The following GBE1 variants were observed in gnomAD, a reference collection of about 807,000 sequenced individuals.
The protein encoded by GBE1 is 1,4-alpha-glucan-branching enzyme.
In GBE1, 70 loss-of-function variants were observed where a neutral mutation model predicts 88.8. The observed-to-expected ratio is 0.79, with a 90% confidence interval of 0.65 to 0.96. The LOEUF is 0.96. GBE1 is among the 40% of genes least tolerant of loss of function. The probability of loss-of-function intolerance (pLI) is 0.00; values close to 1 mark genes in which losing one functional copy is unlikely to be tolerated. For synonymous variants in GBE1, 284 were observed against 300.1 expected (o/e 0.95, Z 0.56); for missense variants, 872 against 871.0 (o/e 1.00, Z -0.01).
At chr3:81,536,289 G>T (rs934268362) in intron 13 of GBE1, among the ~76,000 whole-genome samples, 1 of 151,630 alleles carries the variant, frequency 6.6e-6, no homozygotes, top group Admixed American at 6.6e-5. Context: ...TAAAGTAAAT[G>T]GATTATAACG....
intron 2 of GBE1, among the ~76,000 whole-genome samples, chr3:81,691,843 T>C (rs1705526103): frequency 6.6e-6 from 1 of 152,116 alleles, no homozygotes; most frequent in Admixed American, 6.5e-5. Context: ...GTAATATTAT[T>C]ATTCATCTGG....
Position 81,541,263 on chromosome 3 carries a change from C to A in GBE1, c.1619-4168G>T, listed in dbSNP as rs556784824. Among the ~76,000 whole-genome samples the A allele has an allele frequency of 5.9e-5, 9 of 151,786 alleles. No individual in the cohort carries two copies. The South Asian group carries it at 1.7e-3, about 28-fold the overall frequency. ...CACAATCTGATTAAAAGCTAAGTAA[C>A]TGCTCCCCAGGAAAACACATACACA... On this transcript the variant is annotated intron_variant, in intron 12 of 15. Transcript: ENST00000429644.
chr3:81,672,643 G>A (rs1490943141), intron 2 of GBE1, among the ~76,000 whole-genome samples: 1 of 151,920 alleles, frequency 6.6e-6, no homozygotes, highest in Non-Finnish European at 1.5e-5. Flanking sequence ...CCTGTGGGTA[G>A]AAGAAAGGGA....
intron 7 of GBE1, among the ~76,000 whole-genome samples, chr3:81,627,531 GAGTA>G (rs1704434883): frequency 6.6e-6 from 1 of 152,064 alleles, no homozygotes; most frequent in Admixed American, 6.6e-5. Context: ...ACAGGGTGGG[GAGTA>G]AGAAAGAGAA....
At chr3:81,750,641 A>ATATATG (rs1706507744) in intron 1 of GBE1, among the ~76,000 whole-genome samples, 2 of 53,086 alleles carry the variant, frequency 3.8e-5, no homozygotes, top group South Asian at 4.7e-4. Flanking sequence ...GTATATATAT[A>ATATATG]TATGTATATA....
intron 2 of GBE1, among the ~76,000 whole-genome samples, chr3:81,702,105 GTGTGTGTGTGTGT>G (rs1705701199): frequency 4.0e-4 from 2 of 5,022 alleles, no homozygotes; most frequent in Non-Finnish European, 7.3e-4. Context: ...GAGAGAGAGT[GTGTGTGTGTGTGT>G]GTGTGTGTGT....
intron 12 of GBE1, among the ~76,000 whole-genome samples, chr3:81,544,684 C>T (rs1703182876): frequency 6.6e-6 from 1 of 152,144 alleles, no homozygotes. Context: ...CCTTACACAG[C>T]CCCATTCATG....
chr3:81,596,053 T>C (rs933549181), intron 7 of GBE1, among the ~76,000 whole-genome samples: 16 of 151,982 alleles, frequency 1.1e-4, no homozygotes, highest in Non-Finnish European at 2.1e-4. Context: ...GTCAAATTTC[T>C]AGTGCTTTTA....
In GBE1 at chr3:81,642,815, C is replaced by T; in HGVS notation, c.958G>A (p.Asp320Asn). The change falls in exon 7 of 16, where the codon GAT becomes AAT. Residue 320 changes from aspartate to asparagine, a missense_variant. Coordinates refer to ENST00000429644, the MANE Select transcript of GBE1 (RefSeq NM_000158.4). ...GCAAACAATCTGCTATCCCAAAGAT[C>T]ATGAGTCCCTCTAGGTCCAGAATGA... ...YFHSGPRGTH[D>N]LWDSRLFAYS... 1 of 1,612,958 alleles carries T rather than the reference C, an allele frequency of 6.2e-7. No individual in the cohort carries two copies. Among genetic ancestry groups the T allele is most frequent in the African/African-American group, 1.3e-5 (1 of 74,994 alleles).
At chr3:81,675,351 G>C (rs989728324) in intron 2 of GBE1, among the ~76,000 whole-genome samples, 9 of 152,010 alleles carry the variant, frequency 5.9e-5, no homozygotes, top group Non-Finnish European at 1.3e-4. Context: ...ATTTAGGATT[G>C]ACTGGGGTTG....
chr3:81,642,663 C>T, intron 7 of GBE1, 118 bp downstream of exon 7: 1 of 675,368 alleles, frequency 1.5e-6, no homozygotes, highest in East Asian at 2.7e-5. Context: ...AAAAATAAAT[C>T]CAATTAAGAA....
At chr3:81,738,754 C>G (rs1321202341) in intron 1 of GBE1, among the ~76,000 whole-genome samples, 1 of 152,026 alleles carries the variant, frequency 6.6e-6, no homozygotes, top group Non-Finnish European at 1.5e-5. Context: ...ATGGATTATC[C>G]CATTATTTAA....
chr3:81,516,767 A>G (rs1702803571), intron 14 of GBE1, among the ~76,000 whole-genome samples: 1 of 151,558 alleles, frequency 6.6e-6, no homozygotes, highest in Non-Finnish European at 1.5e-5. Context: ...TCCAACTCTC[A>G]TAGATGACTT....
intron 1 of GBE1, among the ~76,000 whole-genome samples, chr3:81,754,670 C>G (rs866626365): frequency 1.6e-4 from 25 of 152,240 alleles, no homozygotes; most frequent in Middle Eastern, 6.8e-3. Flanking sequence ...GATCTAAATA[C>G]ACACATTTGC....
At chr3:81,652,536 C>T (rs1407378892) in intron 3 of GBE1, among the ~76,000 whole-genome samples, 1 of 152,146 alleles carries the variant, frequency 6.6e-6, no homozygotes, top group East Asian at 1.9e-4. Flanking sequence ...CTCTCTTATT[C>T]ATGGAATTGC....
At chr3:81,659,576 C>T (rs1345920862) in intron 3 of GBE1, among the ~76,000 whole-genome samples, 1 of 150,138 alleles carries the variant, frequency 6.7e-6, no homozygotes, top group Non-Finnish European at 1.5e-5. Flanking sequence ...TCTCAAACTC[C>T]TGAGCTAGTT....
chr3:81,652,549 C>G (rs866954576), intron 3 of GBE1, among the ~76,000 whole-genome samples: 1 of 152,200 alleles, frequency 6.6e-6, no homozygotes, highest in South Asian at 2.1e-4. Flanking sequence ...GGAATTGCAA[C>G]CAACTGTTAA....
chr3:81,640,219 C>A (rs929602483), intron 7 of GBE1, among the ~76,000 whole-genome samples: 2 of 151,000 alleles, frequency 1.3e-5, no homozygotes, highest in Non-Finnish European at 2.9e-5. Context: ...AAGGGTGTTG[C>A]CAAAGGAGAT....
chr3:81,552,013 T>A (rs190914969), intron 12 of GBE1, among the ~76,000 whole-genome samples: 1 of 152,212 alleles, frequency 6.6e-6, no homozygotes, highest in South Asian at 2.1e-4. Flanking sequence ...CTCCCCCTGA[T>A]AAATTATGTG....
Sources: gnomAD v4.1 joint callset for allele counts (sites outside exome capture counted in the v4.1 genomes callset) on GRCh38, gnomAD v4.1.1 for gene constraint, MANE v1.5 for transcripts, NCBI Gene and HGNC (gene_info 2026-07-23, HGNC 2026-07-21) for gene names.